The following GBE1 variants were observed in gnomAD, a reference collection of about 807,000 sequenced individuals.
The protein encoded by GBE1 is 1,4-alpha-glucan-branching enzyme.
In GBE1, 70 loss-of-function variants were observed where a neutral mutation model predicts 88.8. The ratio of observed to expected loss-of-function variants is 0.79; its 90% CI spans 0.65 to 0.96. The LOEUF (loss-of-function observed/expected upper bound fraction) is 0.96. GBE1 is among the 40% of genes least tolerant of loss of function. The pLI, the probability that GBE1 is intolerant of heterozygous loss-of-function variation, is 0.00. For missense variants in GBE1, 872 were observed against 871.0 expected (o/e 1.00, Z -0.01); for synonymous variants, 284 against 300.1 (o/e 0.95, Z 0.56).
chr3:81,587,839 T>C (rs1399933046), intron 9 of GBE1, among the ~76,000 whole-genome samples: 1 of 152,164 alleles, frequency 6.6e-6, no homozygotes, highest in African/African-American at 2.4e-5. Flanking sequence ...AACATAATTA[T>C]GAAATGACCA....
At position 81,761,369 on chromosome 3, in the gene GBE1, C is replaced by T. The variant is rs371048718; in HGVS notation, c.143+6G>A. 2.5e-5 allele frequency: 40 copies of T among 1,603,166 alleles called. No homozygotes were observed. The East Asian group carries it at 3.9e-4, about 15-fold the overall frequency. ...CTAAGTGGGGGTGGTGGGATTCCGG[C>T]GGTACCTGCGCTGGAAGTCCACGGC... is the stretch of plus-strand genomic sequence containing the variant. On this transcript the variant is annotated splice_donor_region_variant and intron_variant, in intron 1 of 15. Coordinates refer to ENST00000429644, the MANE Select transcript of GBE1 (RefSeq NM_000158.4).
chr3:81,565,426 G>C (rs1428436143), intron 12 of GBE1, among the ~76,000 whole-genome samples: 1 of 152,094 alleles, frequency 6.6e-6, no homozygotes, highest in Non-Finnish European at 1.5e-5. Context: ...GAATTTACAA[G>C]TTTGACACTA....
At chr3:81,712,557 C>G (rs895105995) in intron 1 of GBE1, among the ~76,000 whole-genome samples, 22 of 151,462 alleles carry the variant, frequency 1.5e-4, no homozygotes, top group Non-Finnish European at 2.9e-4. Context: ...GACAAAAAAC[C>G]AAACACCGCA....
chr3:81,591,621 A>C (rs901023890), intron 8 of GBE1, among the ~76,000 whole-genome samples: 5 of 152,252 alleles, frequency 3.3e-5, no homozygotes, highest in South Asian at 2.1e-4. Flanking sequence ...ACACACTTCA[A>C]TTTATGCAAT....
chr3:81,510,980 T>C (rs1254542147), intron 14 of GBE1, among the ~76,000 whole-genome samples: 1 of 152,000 alleles, frequency 6.6e-6, no homozygotes, highest in Non-Finnish European at 1.5e-5. Flanking sequence ...AGTAACCATC[T>C]CACAAGGTAT....
intron 14 of GBE1, among the ~76,000 whole-genome samples, chr3:81,527,298 A>T (rs2106856774): frequency 6.6e-6 from 1 of 152,270 alleles, no homozygotes; most frequent in South Asian, 2.1e-4. Flanking sequence ...ACCATTCAGG[A>T]CATAGGCATG....
intron 12 of GBE1, among the ~76,000 whole-genome samples, chr3:81,544,664 T>G (rs1703182532): frequency 6.6e-6 from 1 of 152,206 alleles, no homozygotes; most frequent in East Asian, 1.9e-4. Flanking sequence ...TCTCTCTAGT[T>G]CCATTTCCTC....
intron 12 of GBE1, among the ~76,000 whole-genome samples, chr3:81,546,854 G>A (rs1312652033): frequency 6.6e-6 from 1 of 151,166 alleles, no homozygotes; most frequent in African/African-American, 2.4e-5. Context: ...TTTACTCTAT[G>A]GACTCTCCCT....
At chr3:81,757,684 G>A (rs189966033) in intron 1 of GBE1, among the ~76,000 whole-genome samples, 1 of 152,300 alleles carries the variant, frequency 6.6e-6, no homozygotes, top group East Asian at 1.9e-4. Flanking sequence ...CAGACACTGC[G>A]ATTGGGTTGA....
At chr3:81,583,777 G>A (rs575762497) in intron 10 of GBE1, among the ~76,000 whole-genome samples, 21 of 152,108 alleles carry the variant, frequency 1.4e-4, no homozygotes, top group Admixed American at 9.8e-4. Context: ...ATAAGTAGGC[G>A]TTACTCTAAA....
At chr3:81,598,780 T>C (rs908426454) in intron 7 of GBE1, among the ~76,000 whole-genome samples, 3 of 151,742 alleles carry the variant, frequency 2.0e-5, no homozygotes, top group Non-Finnish European at 4.4e-5. Context: ...AGCACAAAAC[T>C]AGTGAGATAA....
intron 6 of GBE1, among the ~76,000 whole-genome samples, chr3:81,645,847 T>A (rs1046400960): frequency 3.9e-5 from 6 of 152,202 alleles, no homozygotes; most frequent in African/African-American, 1.4e-4. Context: ...ATGCCATACA[T>A]CATAAACTCC....
In GBE1 at chr3:81,642,963, T is replaced by C. The variant is rs545890483; in HGVS notation, c.810A>G (p.Gln270=). The change falls in exon 7 of 16, where the codon CAA becomes CAG. Residue 270 remains glutamine (Q), a synonymous_variant. Transcript: ENST00000429644. ...TGGAATGAGCTGTGTCTACCAGTTCTTGTAGCTCTTCAGGTGTTCCATAAC... is the reference window on the plus strand; with the variant it reads ...TGGAATGAGCTGTGTCTACCAGTTCCTGTAGCTCTTCAGGTGTTCCATAAC... The part of the protein sequence containing the change: ...SSRYGTPEEL[Q]ELVDTAHSMG... 5.0e-6 allele frequency: 8 copies of C among 1,611,814 alleles called. No individual in the cohort carries two copies. In the South Asian group the frequency reaches 5.5e-5, roughly 11 times the overall value.
chr3:81,750,061 C>G (rs1012120780), intron 1 of GBE1, among the ~76,000 whole-genome samples: 11 of 152,146 alleles, frequency 7.2e-5, no homozygotes, highest in Admixed American at 5.9e-4. Context: ...CACTACACTC[C>G]TATTACTAGT....
At chr3:81,545,446 A>G (rs544472072) in intron 12 of GBE1, among the ~76,000 whole-genome samples, 1 of 152,244 alleles carries the variant, frequency 6.6e-6, no homozygotes, top group South Asian at 2.1e-4. Context: ...CAGAAGCAAA[A>G]TATAGTGATC....
intron 14 of GBE1, among the ~76,000 whole-genome samples, chr3:81,519,567 A>AG (rs1275709501): frequency 1.4e-5 from 2 of 145,084 alleles, no homozygotes; most frequent in African/African-American, 5.2e-5. Flanking sequence ...CAACACAAAC[A>AG]CTTTATAAAT....
chr3:81,510,056 C>T (rs1449904940), intron 14 of GBE1, among the ~76,000 whole-genome samples: 1 of 152,002 alleles, frequency 6.6e-6, no homozygotes, highest in African/African-American at 2.4e-5. Context: ...TTATTCAAGT[C>T]AGCACAAACT....
chr3:81,628,178 C>T (rs1010471490), intron 7 of GBE1, among the ~76,000 whole-genome samples: 17 of 152,046 alleles, frequency 1.1e-4, no homozygotes, highest in African/African-American at 3.1e-4. Flanking sequence ...ACTATCAATA[C>T]GTCACCCTGG....
intron 15 of GBE1, among the ~76,000 whole-genome samples, chr3:81,493,801 T>G (rs1702467696): frequency 6.6e-6 from 1 of 151,858 alleles, no homozygotes. Flanking sequence ...AGGCTGGGAT[T>G]ACAGGTGTGA....
Sources: allele counts gnomAD v4.1 joint callset (sites outside exome capture counted in the v4.1 genomes callset), GRCh38; gene constraint gnomAD v4.1.1; transcripts MANE v1.5; gene names NCBI Gene and HGNC (gene_info 2026-07-23, HGNC 2026-07-21).